Variants in DHX57 observed in about 807,000 individuals in gnomAD.
DHX57 encodes the protein DExH-box helicase 57, also known as putative ATP-dependent RNA helicase DHX57.
A neutral mutation model predicts 156.2 loss-of-function variants in DHX57; 105 were observed. That is an observed-to-expected ratio of 0.67 (90% CI 0.57 to 0.79). DHX57 has a LOEUF of 0.79. DHX57 is among the 30% of genes least tolerant of loss of function. The pLI is 0.00. For missense variants in DHX57, 1,847 were observed against 1,661.9 expected (o/e 1.11, Z -1.94); for synonymous variants, 704 against 595.6 (o/e 1.18, Z -2.65).
chr2:38,868,624 T>G (rs1403144536), intron 1 of DHX57, among the ~76,000 whole-genome samples: 1 of 152,154 alleles, frequency 6.6e-6, no homozygotes, highest in Non-Finnish European at 1.5e-5. Context: ...AGGGATAGTA[T>G]GGATAAATCT....
chr2:38,798,141 A>C lies in DHX57; in HGVS notation c.*158T>G. 1 of 852,970 alleles carries C rather than the reference A, an allele frequency of 1.2e-6. No individual in the cohort carries two copies. Among genetic ancestry groups the C allele is most frequent in the Non-Finnish European group, 1.7e-6 (1 of 578,650 alleles). The allele number at this position is 852,970 out of a possible 1,614,324, so 52.8% of individuals were successfully genotyped here. On this transcript the variant is annotated 3_prime_UTR_variant, in exon 24 of 24. Coordinates refer to ENST00000457308, the MANE Select transcript of DHX57 (RefSeq NM_198963.3). ...CAAGGCTTTGTTAGAAATGGCCCTA[A>C]GGGTATATACACTGCCTCAGCTGCC...
intron 13 of DHX57, among the ~76,000 whole-genome samples, chr2:38,830,061 C>T (rs575005308): frequency 1.3e-5 from 2 of 152,302 alleles, no homozygotes; most frequent in South Asian, 2.1e-4. Flanking sequence ...CACCAGCCCC[C>T]CTTTAATCCC....
chr2:38,868,032 T>G, intron 2 of DHX57, 150 bp downstream of exon 2: 1 of 983,652 alleles, frequency 1.0e-6, no homozygotes, highest in East Asian at 2.6e-5. Context: ...AAGCTGTTAT[T>G]TCCCATCATG....
At chr2:38,847,777 A>C (rs1672366634) in intron 10 of DHX57, among the ~76,000 whole-genome samples, 1 of 152,094 alleles carries the variant, frequency 6.6e-6, no homozygotes, top group Non-Finnish European at 1.5e-5. Context: ...AAAGTCCCCT[A>C]AAAAAATTAA....
At chr2:38,804,353 G>A (rs1395352925) in intron 22 of DHX57, among the ~76,000 whole-genome samples, 1 of 152,058 alleles carries the variant, frequency 6.6e-6, no homozygotes, top group South Asian at 2.1e-4. Flanking sequence ...AGCTGGGAGC[G>A]ATGACACATG....
chr2:38,868,151 C>T, intron 2 of DHX57, 31 bp downstream of exon 2: 1 of 1,607,762 alleles, frequency 6.2e-7, no homozygotes, highest in Non-Finnish European at 8.5e-7. Context: ...ATACCATTTC[C>T]ATATTTAAAC....
At chr2:38,830,769 A>T (rs1475394040) in intron 13 of DHX57, among the ~76,000 whole-genome samples, 1 of 152,128 alleles carries the variant, frequency 6.6e-6, no homozygotes, top group East Asian at 1.9e-4. Flanking sequence ...TTTCCATTAC[A>T]TACCCCATGA....
rs150462026 is a variant in DHX57, at chr2:38,861,052, C to T, written c.1358G>A (p.Cys453Tyr). The change falls in exon 5 of 24, where the codon TGT becomes TAT. Residue 453 changes from cysteine to tyrosine, a missense_variant. By Grantham distance (194) the Cys-to-Tyr change is radical. Transcript: ENST00000457308. The part of the protein sequence containing the change: ...PSRTRINNPA[C>Y]HKTVIPNNSF... ...ATTATTTGGAATCACTGTTTTATGA[C>T]AGGCAGGATTATTTATTCTGGTCCT... The T allele has an allele frequency of 5.0e-6, 8 of 1,613,898 alleles. No homozygotes were observed. The African/African-American group carries it at 6.7e-5, about 13-fold the overall frequency.
chr2:38,828,091 G>T (rs751202381), intron 14 of DHX57, among the ~76,000 whole-genome samples: 1 of 152,122 alleles, frequency 6.6e-6, no homozygotes, highest in African/African-American at 2.4e-5. Context: ...CCTGACCTCA[G>T]GTGATCCGCC....
chr2:38,814,903 G>C (rs1229606128), intron 20 of DHX57, among the ~76,000 whole-genome samples: 2 of 151,908 alleles, frequency 1.3e-5, no homozygotes, highest in Non-Finnish European at 1.5e-5. Context: ...TGTATTTTTA[G>C]TAAAGACAGG....
At chr2:38,836,292 C>T (rs986996196) in intron 13 of DHX57, among the ~76,000 whole-genome samples, 5 of 152,160 alleles carry the variant, frequency 3.3e-5, no homozygotes, top group African/African-American at 1.2e-4. Context: ...ACTTCTTCCA[C>T]CTCTGCCACC....
intron 12 of DHX57, among the ~76,000 whole-genome samples, chr2:38,841,703 GC>G (rs1672014680): frequency 6.6e-6 from 1 of 152,158 alleles, no homozygotes; most frequent in Admixed American, 6.6e-5. Context: ...GGAAAAAGGA[GC>G]AAGAAGGACA....
intron 8 of DHX57, chr2:38,854,837 C>T (rs540643154): frequency 4.9e-6 from 2 of 411,834 alleles, no homozygotes; most frequent in Admixed American, 3.6e-5. Context: ...GCTGGGATTA[C>T]AGGTGTGAGC....
chr2:38,801,922 T>G (rs1246029704), intron 23 of DHX57, among the ~76,000 whole-genome samples: 1 of 152,124 alleles, frequency 6.6e-6, no homozygotes, highest in Non-Finnish European at 1.5e-5. Flanking sequence ...AAATATGTAC[T>G]CTCCATGATA....
chr2:38,867,585 G>A (rs1420421265), intron 2 of DHX57, among the ~76,000 whole-genome samples: 1 of 152,136 alleles, frequency 6.6e-6, no homozygotes, highest in Non-Finnish European at 1.5e-5. Flanking sequence ...TTGAGATGGA[G>A]TCTCACTCTG....
At chr2:38,859,143 T>C (rs943465342) in intron 5 of DHX57, among the ~76,000 whole-genome samples, 3 of 152,206 alleles carry the variant, frequency 2.0e-5, no homozygotes, top group Non-Finnish European at 2.9e-5. Context: ...TATCAAATGA[T>C]GAATCAATGA....
At chr2:38,839,678 G>A (rs909501009) in intron 12 of DHX57, among the ~76,000 whole-genome samples, 5 of 150,758 alleles carry the variant, frequency 3.3e-5, no homozygotes, top group African/African-American at 1.2e-4. Flanking sequence ...CTGAGATCGC[G>A]CTACTGCACT....
In DHX57 at chr2:38,815,403, G is replaced by T. The variant is rs768591761; in HGVS notation, c.3606+118C>A. On this transcript the variant is annotated intron_variant, in intron 20 of 23. Coordinates refer to ENST00000457308, the MANE Select transcript of DHX57 (RefSeq NM_198963.3). ...TTGTGCGAAGCAGAAAATCAAGAAT[G>T]CCATTAACCCACTGCTCAAAGGCTT... 4 of 1,284,442 alleles carry T rather than the reference G, an allele frequency of 3.1e-6. No homozygotes were observed. In the African/African-American group the frequency reaches 5.9e-5, roughly 19 times the overall value. 79.6% of individuals were successfully genotyped at this position (1,284,442 alleles called of 1,614,324 possible).
intron 12 of DHX57, among the ~76,000 whole-genome samples, chr2:38,841,310 A>G (rs1259901104): frequency 6.6e-6 from 1 of 152,224 alleles, no homozygotes; most frequent in Non-Finnish European, 1.5e-5. Flanking sequence ...ATTCCACTTT[A>G]TAGATAAGGA....
Sources: allele counts gnomAD v4.1 joint callset (sites outside exome capture counted in the v4.1 genomes callset), GRCh38; gene constraint gnomAD v4.1.1; transcripts MANE v1.5; gene names NCBI Gene and HGNC (gene_info 2026-07-23, HGNC 2026-07-21).